RAB11A: variants seen among roughly 807,000 people sequenced by gnomAD.
The protein encoded by RAB11A is RAB11A, member RAS oncogene family.
In RAB11A, 9 loss-of-function variants were observed where a neutral mutation model predicts 28.0. The observed-to-expected ratio is 0.32, with a 90% CI of 0.19 to 0.56. The LOEUF (loss-of-function observed/expected upper bound fraction) is 0.56, where lower values mean the gene tolerates loss of function less well. RAB11A is among the 20% of genes least tolerant of loss of function. The probability of loss-of-function intolerance (pLI) is 0.91; values close to 1 mark genes in which losing one functional copy is unlikely to be tolerated. For synonymous variants in RAB11A, 85 were observed against 88.2 expected, an observed-to-expected ratio of 0.96 and a Z score of 0.20; for missense variants, 108 against 269.6, an observed-to-expected ratio of 0.40 and a Z score of 4.20.
In RAB11A at chr15:65,890,982, A is replaced by G. The variant is rs2078290217; in HGVS notation, c.*3142A>G. The G allele has an allele frequency of 6.6e-6, 1 of 152,226 alleles. No homozygotes were observed. The highest frequency in any genetic ancestry group is 6.5e-5 in the Admixed American group (1 of 15,288). 9.4% of individuals were successfully genotyped at this position (152,226 alleles called of 1,614,324 possible). ...TATGTATGACTTCCATTTGCTCTGT[A>G]AAAAAATGAACAAAGATTGTGAAAG... is the stretch of plus-strand genomic sequence containing the variant. On this transcript the variant is annotated 3_prime_UTR_variant, in exon 5 of 5. Transcript: ENST00000261890.
chr15:65,885,620 C>T (rs906735333), intron 4 of RAB11A, among the ~76,000 whole-genome samples: 6 of 152,050 alleles, frequency 3.9e-5, no homozygotes, highest in Admixed American at 1.3e-4. Context: ...GGACCTTTCA[C>T]GAGGTCCAAA....
chr15:65,872,519 C>T (rs1377352502), intron 1 of RAB11A, among the ~76,000 whole-genome samples: 2 of 150,802 alleles, frequency 1.3e-5, no homozygotes, highest in African/African-American at 2.4e-5. Context: ...ATTGCAACCT[C>T]TGCTTCCTGG....
rs1427761897 is a variant in RAB11A at position 65,888,568 on chromosome 15, T to G, written c.*728T>G. 2.0e-5 allele frequency: 3 copies of G among 152,222 alleles called. No homozygotes were observed. Among genetic ancestry groups the G allele is most frequent in the African/African-American group, 7.2e-5 (3 of 41,410 alleles). 9.4% of individuals were successfully genotyped at this position (152,222 alleles called of 1,614,324 possible). A position where few individuals can be genotyped will look rare whatever the true frequency, so the allele number is the denominator to read the frequency against. On this transcript the variant is annotated 3_prime_UTR_variant, in exon 5 of 5. Coordinates refer to ENST00000261890, the MANE Select transcript of RAB11A (RefSeq NM_004663.5). ...CTGAAGAGACTTGTGGTATTCCATCTCGGGTGCCTCTGTTGGCAATGATCA... is the reference window on the plus strand; with the variant it reads ...CTGAAGAGACTTGTGGTATTCCATCGCGGGTGCCTCTGTTGGCAATGATCA...
chr15:65,876,427 G>A (rs117777215), intron 1 of RAB11A, among the ~76,000 whole-genome samples: 168 of 152,066 alleles, frequency 1.1e-3, no homozygotes, highest in Non-Finnish European at 1.8e-3. Flanking sequence ...CCCACAAGTA[G>A]TTGGGATTAC....
In RAB11A at chr15:65,877,505, C is replaced by T; in HGVS notation, c.214C>T (p.Arg72Ter). The T allele has an allele frequency of 1.9e-6, 3 of 1,614,014 alleles. No homozygotes were observed. The highest frequency in any genetic ancestry group is 2.5e-6 in the Non-Finnish European group (3 of 1,179,938). ...GATATGGGACACAGCAGGGCAAGAG[C>T]GATATCGAGCTATAACATCAGCGTA... is the stretch of plus-strand genomic sequence containing the variant. Reference protein sequence around the residue: ...AQIWDTAGQERYRAITSAYYR... With the variant: ...AQIWDTAGQE Residue 72 changes from arginine to a stop codon, truncating the protein, a stop_gained, in exon 2 of 5, where the codon CGA becomes TGA. Coordinates refer to ENST00000261890, the MANE Select transcript of RAB11A (RefSeq NM_004663.5). LOFTEE classifies it high-confidence loss of function. The surrounding 1 kb of genome is among the most constrained non-coding windows in gnomAD (Gnocchi z 4.1).
chr15:65,881,900 A>G (rs978805456), intron 4 of RAB11A, among the ~76,000 whole-genome samples: 1 of 148,664 alleles, frequency 6.7e-6, no homozygotes, highest in African/African-American at 2.5e-5. Context: ...AAAAAAAAAA[A>G]ACACAAAAAA....
chr15:65,871,893 T>TGAAA (rs2078163174), intron 1 of RAB11A, among the ~76,000 whole-genome samples: 1 of 150,070 alleles, frequency 6.7e-6, no homozygotes, highest in African/African-American at 2.5e-5. Flanking sequence ...GGTAATAATG[T>TGAAA]GAAAGAAGTT....
At chr15:65,884,863 G>GT (rs2078245487) in intron 4 of RAB11A, among the ~76,000 whole-genome samples, 2 of 151,110 alleles carry the variant, frequency 1.3e-5, no homozygotes, top group Admixed American at 6.6e-5. Flanking sequence ...TTTTGTGGGG[G>GT]TGGGGGGGTA....
chr15:65,877,751 T>C lies in RAB11A; in HGVS notation c.237-11T>C, dbSNP rs754167008. 4 of 1,565,670 alleles carry C rather than the reference T, an allele frequency of 2.6e-6. No individual in the cohort carries two copies. The Admixed American group carries it at 7.2e-5, about 28-fold the overall frequency. On this transcript the variant is annotated splice_polypyrimidine_tract_variant and intron_variant, in intron 2 of 4. Coordinates refer to ENST00000261890, the MANE Select transcript of RAB11A (RefSeq NM_004663.5). The surrounding 1 kb of genome is among the most constrained non-coding windows in gnomAD (Gnocchi z 4.1). ...GTGGTTTTCTGATACTAAATATGTTTCTGTTTTCAGATATTATCGTGGAGC... is the reference window on the plus strand; with the variant it reads ...GTGGTTTTCTGATACTAAATATGTTCCTGTTTTCAGATATTATCGTGGAGC...
chr15:65,874,528 A>G (rs755628004), intron 1 of RAB11A, among the ~76,000 whole-genome samples: 17 of 152,026 alleles, frequency 1.1e-4, no homozygotes, highest in Non-Finnish European at 2.4e-4. Flanking sequence ...GGTGTGAGCC[A>G]CCACGCCCGG....
rs2078271453 is a variant in RAB11A at position 65,889,193 on chromosome 15, C to T, written c.*1353C>T. ...CCAAAAATATGTATGTGTGGGCTTGCTTAGATTACTATATTTCATAGTTAA... is the reference window on the plus strand; with the variant it reads ...CCAAAAATATGTATGTGTGGGCTTGTTTAGATTACTATATTTCATAGTTAA... On this transcript the variant is annotated 3_prime_UTR_variant, in exon 5 of 5. Coordinates refer to ENST00000261890, the MANE Select transcript of RAB11A (RefSeq NM_004663.5). 1 of 152,560 alleles carries T rather than the reference C, an allele frequency of 6.6e-6. No homozygotes were observed. Among genetic ancestry groups the T allele is most frequent in the Non-Finnish European group, 1.5e-5 (1 of 68,036 alleles). 9.5% of individuals were successfully genotyped at this position (152,560 alleles called of 1,614,324 possible).
chr15:65,871,439 T>C (rs2078160289), intron 1 of RAB11A, among the ~76,000 whole-genome samples: 1 of 152,192 alleles, frequency 6.6e-6, no homozygotes, highest in African/African-American at 2.4e-5. Flanking sequence ...CTTGAGACTT[T>C]GGGGTTAAAG....
intron 3 of RAB11A, among the ~76,000 whole-genome samples, chr15:65,879,443 C>G (rs2141104833): frequency 6.6e-6 from 1 of 152,050 alleles, no homozygotes; most frequent in South Asian, 2.1e-4. Flanking sequence ...GCCAGGAGTT[C>G]AAGACCAGGC....
chr15:65,876,673 G>T (rs1176770740), intron 1 of RAB11A, among the ~76,000 whole-genome samples: 2 of 152,050 alleles, frequency 1.3e-5, no homozygotes, highest in East Asian at 1.9e-4. Context: ...AGTGGCTTGG[G>T]TTTTTTTGGC....
rs2078275253 is a variant in RAB11A, at chr15:65,889,584, G to A, written c.*1744G>A. 1 of 152,140 alleles carries A rather than the reference G, an allele frequency of 6.6e-6. No individual in the cohort carries two copies. The highest frequency in any genetic ancestry group is 2.4e-5 in the African/African-American group (1 of 41,422). 9.4% of individuals were successfully genotyped at this position (152,140 alleles called of 1,614,324 possible). A position where few individuals can be genotyped will look rare whatever the true frequency, so the allele number is the denominator to read the frequency against. On this transcript the variant is annotated 3_prime_UTR_variant, in exon 5 of 5. Transcript: ENST00000261890. The stretch of plus-strand genomic sequence containing the variant: ...TTGGGAGCATCAGTGTGTGAATTCA[G>A]CTTTGATTTTAGAACTGCAGTTCAA...
intron 1 of RAB11A, 111 bp downstream of exon 1, chr15:65,869,736 C>T: frequency 8.4e-7 from 1 of 1,186,020 alleles, no homozygotes; most frequent in Admixed American, 2.4e-5. Context: ...TCCCTCAGCC[C>T]TTCCTTTTTG....
rs1389372685 is a variant in RAB11A, at chr15:65,889,623, G to A, written c.*1783G>A. 6.6e-6 allele frequency: 1 copy of A among 152,006 alleles called. No individual in the cohort carries two copies. Among genetic ancestry groups the A allele is most frequent in the Admixed American group, 6.6e-5 (1 of 15,252 alleles). The allele number at this position is 152,006 out of a possible 1,614,324, so 9.4% of individuals were successfully genotyped here. A position where few individuals can be genotyped will look rare whatever the true frequency, so the allele number is the denominator to read the frequency against. ...ACTGCAGTTCAATTATGCTTTCCTT[G>A]GAAAAAGTATGTCCAAAAACATTAG... On this transcript the variant is annotated 3_prime_UTR_variant, in exon 5 of 5. Transcript: ENST00000261890.
Position 65,891,593 on chromosome 15 carries a change from G to A in RAB11A, c.*3753G>A, listed in dbSNP as rs1462282946. The A allele has an allele frequency of 3.3e-5, 5 of 152,096 alleles. No homozygotes were observed. The highest frequency in any genetic ancestry group is 4.4e-5 in the Non-Finnish European group (3 of 67,988). 9.4% of individuals were successfully genotyped at this position (152,096 alleles called of 1,614,324 possible). A position where few individuals can be genotyped will look rare whatever the true frequency, so the allele number is the denominator to read the frequency against. The stretch of plus-strand genomic sequence containing the variant: ...GGGGATTCATCCCAATTCGAACTCT[G>A]TAATTCTCTGAATGAACTCTCTCTT... On this transcript the variant is annotated 3_prime_UTR_variant, in exon 5 of 5. Transcript: ENST00000261890.
rs1018257899 is a variant in RAB11A at position 65,877,190 on chromosome 15, C to T, written c.41-142C>T. ...CAAGAACATGCTGTTCAACCCCCTA[C>T]CCCCATTCCTTTTTAAAAGTCATAT... On this transcript the variant is annotated intron_variant, in intron 1 of 4. Transcript: ENST00000261890. This position sits in a 1 kb window ranked among gnomAD's most constrained non-coding sequence, Gnocchi z 4.1. The T allele has an allele frequency of 6.1e-6, 4 of 658,302 alleles. No individual in the cohort carries two copies. Among genetic ancestry groups the T allele is most frequent in the South Asian group, 4.1e-5 (2 of 48,470 alleles). 40.8% of individuals were successfully genotyped at this position (658,302 alleles called of 1,614,324 possible).
Sources: gnomAD v4.1 joint callset for allele counts (sites outside exome capture counted in the v4.1 genomes callset) on GRCh38, gnomAD v4.1.1 for gene constraint, Gnocchi (gnomAD v3.1) non-coding constraint, MANE v1.5 for transcripts, NCBI Gene and HGNC (gene_info 2026-07-23, HGNC 2026-07-21) for gene names.